The following REDIC1 variants were observed in gnomAD, a reference collection of about 807,000 sequenced individuals.
REDIC1 encodes the protein regulator of DNA class I crossover intermediates 1.
chr12:39,748,201 TAGGC>T, the REDIC1 span, among the ~76,000 whole-genome samples: 462 of 152,102 alleles, frequency 3.0e-3, 1 homozygote, highest in African/African-American at 0.011. Context: ...GAGACACACA[TAGGC>T]TCAAAATAAA....
At chr12:39,872,106 G>T in the REDIC1 span, 1 of 617,634 alleles carries the variant, frequency 1.6e-6, no homozygotes, top group Non-Finnish European at 2.5e-6. Context: ...ATTCATGCAA[G>T]CTGTTGAAAA....
At chr12:39,643,741 A>G in the REDIC1 span, 4 of 1,374,510 alleles carry the variant, frequency 2.9e-6, no homozygotes, top group East Asian at 2.5e-5. Context: ...CTAAAACCGC[A>G]TATTTGCTGC....
chr12:39,741,371 C>T, the REDIC1 span, among the ~76,000 whole-genome samples: 1 of 152,152 alleles, frequency 6.6e-6, no homozygotes. Flanking sequence ...CTTCAACCAA[C>T]CTGAGCATCA....
At chr12:39,806,769 A>G in the REDIC1 span, among the ~76,000 whole-genome samples, 2 of 152,228 alleles carry the variant, frequency 1.3e-5, no homozygotes, top group Non-Finnish European at 2.9e-5. Flanking sequence ...TTGTTATGGA[A>G]TAATGAAATC....
chr12:39,832,996 C>T, the REDIC1 span, among the ~76,000 whole-genome samples: 1 of 152,038 alleles, frequency 6.6e-6, no homozygotes, highest in African/African-American at 2.4e-5. Flanking sequence ...AGTCAATATA[C>T]ACATCTTAAA....
the REDIC1 span, among the ~76,000 whole-genome samples, chr12:39,737,111 T>C: frequency 6.6e-6 from 1 of 152,204 alleles, no homozygotes; most frequent in Non-Finnish European, 1.5e-5. Context: ...TTTTAATATA[T>C]ATGGCTCCAA....
the REDIC1 span, among the ~76,000 whole-genome samples, chr12:39,776,942 T>C: frequency 6.6e-6 from 1 of 152,194 alleles, no homozygotes; most frequent in African/African-American, 2.4e-5. Context: ...ATGGGTTTTT[T>C]CTTTTTCAAT....
At chr12:39,784,332 A>G in the REDIC1 span, among the ~76,000 whole-genome samples, 2 of 152,260 alleles carry the variant, frequency 1.3e-5, no homozygotes, top group Admixed American at 1.3e-4. Context: ...CTACACTAGA[A>G]GGCTACAGTA....
chr12:39,905,981 C>T, the REDIC1 span, among the ~76,000 whole-genome samples: 1 of 151,776 alleles, frequency 6.6e-6, no homozygotes. Context: ...TTTTGTTTCC[C>T]TATTGAAATA....
chr12:39,683,513 C>CA, the REDIC1 span: 2 of 1,474,722 alleles, frequency 1.4e-6, no homozygotes, highest in Admixed American at 3.4e-5. Flanking sequence ...CTGGGGAATA[C>CA]AAATCAGGAT....
At chr12:39,695,811 T>C in the REDIC1 span, among the ~76,000 whole-genome samples, 203 of 152,274 alleles carry the variant, frequency 1.3e-3, 1 homozygote, top group East Asian at 0.025. Context: ...CCCAGTGCTG[T>C]GCTGTTTAAC....
At chr12:39,820,065 T>C in the REDIC1 span, among the ~76,000 whole-genome samples, 47 of 152,252 alleles carry the variant, frequency 3.1e-4, no homozygotes, top group African/African-American at 1.1e-3. Flanking sequence ...GGTTTGTCCA[T>C]GCAGAACAGC....
At chr12:39,696,032 C>T in the REDIC1 span, among the ~76,000 whole-genome samples, 1 of 152,104 alleles carries the variant, frequency 6.6e-6, no homozygotes, top group Non-Finnish European at 1.5e-5. Flanking sequence ...GCAAGAACCA[C>T]AGCATTACTG....
the REDIC1 span, among the ~76,000 whole-genome samples, chr12:39,689,638 G>T: frequency 6.6e-6 from 1 of 152,164 alleles, no homozygotes; most frequent in Non-Finnish European, 1.5e-5. Flanking sequence ...TCAGGTTGGA[G>T]GGTATGAAGT....
At chr12:39,866,525 T>C in the REDIC1 span, among the ~76,000 whole-genome samples, 3 of 152,156 alleles carry the variant, frequency 2.0e-5, no homozygotes, top group East Asian at 1.9e-4. Context: ...GTCGCCCTGG[T>C]TGGAGTGCAG....
the REDIC1 span, among the ~76,000 whole-genome samples, chr12:39,697,567 G>A: frequency 6.6e-6 from 1 of 152,146 alleles, no homozygotes; most frequent in Non-Finnish European, 1.5e-5. Context: ...AAGCCATAGA[G>A]TATAAAAGAT....
chr12:39,804,358 C>A, the REDIC1 span, among the ~76,000 whole-genome samples: 1 of 152,112 alleles, frequency 6.6e-6, no homozygotes, highest in Non-Finnish European at 1.5e-5. Context: ...TGATAATATA[C>A]TTCGAGCTAT....
the REDIC1 span, among the ~76,000 whole-genome samples, chr12:39,896,242 A>C: frequency 1.0e-5 from 1 of 100,142 alleles, no homozygotes; most frequent in Non-Finnish European, 2.3e-5. Flanking sequence ...ATGTGTATAT[A>C]TGTATACATG....
At chr12:39,853,680 C>T in the REDIC1 span, among the ~76,000 whole-genome samples, 1 of 150,648 alleles carries the variant, frequency 6.6e-6, no homozygotes, top group Non-Finnish European at 1.5e-5. Flanking sequence ...CCTGGTGTTT[C>T]ATCAAGCTAT....
Sources: gnomAD v4.1 joint callset for allele counts (sites outside exome capture counted in the v4.1 genomes callset) on GRCh38, gnomAD v4.1.1 for gene constraint, MANE v1.5 for transcripts, NCBI Gene and HGNC (gene_info 2026-07-23, HGNC 2026-07-21) for gene names.